Variants in SGSM1 observed in about 807,000 individuals in gnomAD.
SGSM1 encodes small G protein signaling modulator 1.
SGSM1 carries 73 observed loss-of-function variants against 133.8 expected under a neutral mutation model. The observed-to-expected ratio is 0.55, with a 90% confidence interval of 0.45 to 0.66. The LOEUF is 0.66. Among genes scored for constraint, SGSM1 ranks in the 30% least tolerant of loss-of-function variants. The pLI is 0.00. For synonymous variants in SGSM1, 563 were observed against 573.0 expected (o/e 0.98, Z 0.25); for missense variants, 1,213 against 1,448.1 (o/e 0.84, Z 2.64).
At chr22:24,857,303 C>T (rs1169462408) in intron 8 of SGSM1, among the ~76,000 whole-genome samples, 1 of 146,908 alleles carries the variant, frequency 6.8e-6, no homozygotes, top group East Asian at 2.0e-4. Context: ...CCCAACTACT[C>T]GGGAGGCTGA....
At chr22:24,811,901 G>C (rs1017498569) in intron 2 of SGSM1, among the ~76,000 whole-genome samples, 2 of 150,616 alleles carry the variant, frequency 1.3e-5, no homozygotes, top group Non-Finnish European at 2.9e-5. Context: ...ACCAGGCATG[G>C]TGGCTCATGC....
chr22:24,857,572 A>G (rs1161202376), intron 8 of SGSM1, among the ~76,000 whole-genome samples: 1 of 152,190 alleles, frequency 6.6e-6, no homozygotes, highest in Non-Finnish European at 1.5e-5. Flanking sequence ...TCACTTTTAT[A>G]AGTAACACAC....
intron 10 of SGSM1, among the ~76,000 whole-genome samples, chr22:24,867,961 G>A (rs967429620): frequency 9.9e-5 from 15 of 152,152 alleles, no homozygotes; most frequent in South Asian, 2.1e-4. Flanking sequence ...AACATGCTGC[G>A]CTTGTATTCA....
Position 24,872,771 on chromosome 22 carries a change from T to A in SGSM1, c.1292-3806T>A, listed in dbSNP as rs145352243. On this transcript the variant is annotated intron_variant, in intron 12 of 24. Coordinates refer to ENST00000400358, the MANE Select transcript of SGSM1 (RefSeq NM_001098497.3). Reference sequence around the variant, plus strand: ...CATCTCTACTAAAAATACAAAAAACTAGCCGGGCGTGGTGGCACATGTCTG... The same window carrying A: ...CATCTCTACTAAAAATACAAAAAACAAGCCGGGCGTGGTGGCACATGTCTG... Among the ~76,000 whole-genome samples the A allele has an allele frequency of 1.0e-3, 159 of 152,036 alleles. 1 individual carries two copies. Among genetic ancestry groups the A allele is most frequent in the African/African-American group, 3.3e-3 (136 of 41,496 alleles).
chr22:24,900,624 C>A (rs976459584), intron 19 of SGSM1, among the ~76,000 whole-genome samples: 1 of 151,958 alleles, frequency 6.6e-6, no homozygotes, highest in Non-Finnish European at 1.5e-5. Flanking sequence ...CTCAAACTCT[C>A]GACCTCAAGT....
At chr22:24,887,706 G>A (rs752899720) in intron 16 of SGSM1, among the ~76,000 whole-genome samples, 2 of 152,158 alleles carry the variant, frequency 1.3e-5, no homozygotes, top group East Asian at 1.9e-4. Flanking sequence ...CAAGAGGTTC[G>A]CTTGAGCTCA....
chr22:24,849,825 A>G (rs1448257399), intron 4 of SGSM1, among the ~76,000 whole-genome samples: 1 of 152,208 alleles, frequency 6.6e-6, no homozygotes, highest in Non-Finnish European at 1.5e-5. Flanking sequence ...TGGTGGCCTC[A>G]GGCATCTGCA....
intron 22 of SGSM1, among the ~76,000 whole-genome samples, chr22:24,916,838 C>T (rs1933836925): frequency 6.6e-6 from 1 of 152,070 alleles, no homozygotes; most frequent in African/African-American, 2.4e-5. Context: ...ACACATTACA[C>T]ACAGTCATTC....
Position 24,806,502 on chromosome 22 carries a change from G to C in SGSM1, c.63+18G>C. ...AGAAGGAGGTGGGTGCCGGGGTGGG[G>C]GCACTGGGCAGGACTCCCCCGGCAG... On this transcript the variant is annotated intron_variant, in intron 2 of 24. Transcript: ENST00000400358. The C allele has an allele frequency of 1.3e-6, 2 of 1,504,552 alleles. No homozygotes were observed. Among genetic ancestry groups the C allele is most frequent in the African/African-American group, 1.4e-5 (1 of 69,054 alleles). 93.2% of individuals were successfully genotyped at this position (1,504,552 alleles called of 1,614,324 possible).
chr22:24,821,461 C>G (rs1023961880), intron 2 of SGSM1, among the ~76,000 whole-genome samples: 1 of 152,184 alleles, frequency 6.6e-6, no homozygotes, highest in East Asian at 1.9e-4. Flanking sequence ...GGCAAGGGAG[C>G]AGGAAGTGAG....
At chr22:24,832,444 A>G (rs1451742207) in intron 2 of SGSM1, among the ~76,000 whole-genome samples, 5 of 152,220 alleles carry the variant, frequency 3.3e-5, no homozygotes, top group Non-Finnish European at 5.9e-5. Context: ...ACTATTTACT[A>G]TATGACCTTG....
At chr22:24,881,023 T>C (rs1222938017) in intron 14 of SGSM1, among the ~76,000 whole-genome samples, 1 of 151,688 alleles carries the variant, frequency 6.6e-6, no homozygotes, top group Non-Finnish European at 1.5e-5. Context: ...AAACCCCGTC[T>C]CTACTAAAAA....
In SGSM1 at chr22:24,912,696, T is replaced by G; in HGVS notation, c.2872T>G (p.Phe958Val). Residue 958 changes from phenylalanine to valine, a missense_variant, in exon 22 of 25, where the codon TTC (phenylalanine) becomes GTC (valine). Phe to Val is a conservative substitution (Grantham distance 50). Transcript: ENST00000400358. The part of the protein sequence containing the change: ...TELMKRMNQN[F>V]PHGGAMDTHF... ...GCTCATGAAGAGGATGAACCAGAAC[T>G]TCCCCCACGGAGGCGCCATGGACAC... 6.2e-7 allele frequency: 1 copy of G among 1,613,826 alleles called. No homozygotes were observed. The highest frequency in any genetic ancestry group is 8.5e-7 in the Non-Finnish European group (1 of 1,179,892).
At chr22:24,905,841 T>C (rs1045133420) in intron 21 of SGSM1, among the ~76,000 whole-genome samples, 1 of 149,994 alleles carries the variant, frequency 6.7e-6, no homozygotes, top group Admixed American at 6.6e-5. Context: ...CAATTCTTCG[T>C]GAACTCTTCA....
chr22:24,877,659 G>A (rs1932090260), intron 13 of SGSM1, among the ~76,000 whole-genome samples: 1 of 151,918 alleles, frequency 6.6e-6, no homozygotes. Flanking sequence ...GGTGTGGTCC[G>A]TGAACCAGCA....
chr22:24,866,569 G>A (rs1343169161), intron 9 of SGSM1, among the ~76,000 whole-genome samples: 1 of 152,054 alleles, frequency 6.6e-6, no homozygotes, highest in Non-Finnish European at 1.5e-5. Context: ...TGAATGACAG[G>A]GACCTGCACT....
chr22:24,850,648 T>G (rs1343711322), intron 5 of SGSM1, among the ~76,000 whole-genome samples: 1 of 152,224 alleles, frequency 6.6e-6, no homozygotes, highest in African/African-American at 2.4e-5. Flanking sequence ...CCTGGGTTTC[T>G]TCCTTCTCCT....
At chr22:24,836,217 G>A (rs751754664) in intron 2 of SGSM1, among the ~76,000 whole-genome samples, 9 of 152,038 alleles carry the variant, frequency 5.9e-5, no homozygotes, top group South Asian at 4.1e-4. Context: ...GTTATTTTGC[G>A]TCTAGATTAT....
rs145271812 is a variant in SGSM1, at chr22:24,830,682, G to T, written c.64-14215G>T. On this transcript the variant is annotated intron_variant, in intron 2 of 24. Transcript: ENST00000400358. ...CTGGGTCTGAAAGGCGGGAGGGAGA[G>T]GTTACCAGAAGGAAGCTTTTCCTTT... Among the ~76,000 whole-genome samples the T allele has an allele frequency of 1.2e-3, 71 of 58,424 alleles. 1 individual carries two copies. The highest frequency in any genetic ancestry group is 4.0e-3 in the African/African-American group (68 of 17,170). The allele number at this position is 58,424 out of a possible 152,430, so 38.3% of individuals were successfully genotyped here.
Sources: gnomAD v4.1 joint callset for allele counts (sites outside exome capture counted in the v4.1 genomes callset) on GRCh38, gnomAD v4.1.1 for gene constraint, MANE v1.5 for transcripts, NCBI Gene and HGNC (gene_info 2026-07-23, HGNC 2026-07-21) for gene names.